Variants in CPNE4 observed in about 807,000 individuals in gnomAD.
CPNE4 encodes copine 4.
In CPNE4, 25 loss-of-function variants were observed where a neutral mutation model predicts 67.9. The ratio of observed to expected loss-of-function variants is 0.37; its 90% CI spans 0.27 to 0.51. The LOEUF is 0.51. Ranked by LOEUF, CPNE4 falls within the 20% of genes least tolerant of loss-of-function variation. The pLI is 0.93. For missense variants in CPNE4, 464 were observed against 690.8 expected (o/e 0.67, Z 3.68); for synonymous variants, 242 against 244.9 (o/e 0.99, Z 0.11).
intron 2 of CPNE4, among the ~76,000 whole-genome samples, chr3:131,726,512 A>G (rs558435283): frequency 2.0e-5 from 3 of 152,330 alleles, no homozygotes; most frequent in African/African-American, 4.8e-5. Flanking sequence ...GCAATAATAA[A>G]TGCATATTTG....
intron 2 of CPNE4, among the ~76,000 whole-genome samples, chr3:131,867,947 T>C (rs956932077): frequency 6.6e-6 from 1 of 152,168 alleles, no homozygotes; most frequent in African/African-American, 2.4e-5. Context: ...CTTTACCTAA[T>C]AATTGCTGTT....
intron 1 of CPNE4, among the ~76,000 whole-genome samples, chr3:131,978,720 T>C (rs1421699670): frequency 1.3e-5 from 2 of 149,728 alleles, no homozygotes; most frequent in Non-Finnish European, 3.0e-5. Flanking sequence ...GGTTATTTTC[T>C]TTCTTCTGCT....
chr3:131,649,492 T>A (rs2079753495), intron 7 of CPNE4, among the ~76,000 whole-genome samples: 1 of 152,206 alleles, frequency 6.6e-6, no homozygotes, highest in Non-Finnish European at 1.5e-5. Flanking sequence ...TAGGGCCAGT[T>A]GGATGCAACA....
At chr3:131,820,433 C>T (rs753028517) in intron 2 of CPNE4, among the ~76,000 whole-genome samples, 4 of 152,184 alleles carry the variant, frequency 2.6e-5, no homozygotes, top group Non-Finnish European at 5.9e-5. Flanking sequence ...AGGACATGAT[C>T]GTTGGTGAGG....
chr3:131,593,576 G>A lies in CPNE4; in HGVS notation c.682-5994C>T, dbSNP rs994707921. 1.6e-4 allele frequency among the ~76,000 whole-genome samples: 25 copies of A among 152,198 alleles called. No individual in the cohort carries two copies. The East Asian group carries it at 3.1e-3, about 19-fold the overall frequency. On this transcript the variant is annotated intron_variant, in intron 7 of 15. Transcript: ENST00000429747. ...TCTAATAGTTTATTTTCGTGAAGCC[G>A]TTAGGGTTTTGTACATATAGGATTA...
At chr3:131,865,030 C>T (rs1350730123) in intron 2 of CPNE4, among the ~76,000 whole-genome samples, 1 of 152,128 alleles carries the variant, frequency 6.6e-6, no homozygotes, top group African/African-American at 2.4e-5. Flanking sequence ...TATGTTGAAC[C>T]AGCCTTGCAT....
intron 7 of CPNE4, among the ~76,000 whole-genome samples, chr3:131,669,256 G>C (rs62283184): frequency 0.21 from 31,995 of 152,086 alleles, 4,059 homozygotes; most frequent in South Asian, 0.29. Flanking sequence ...GAATCACCTA[G>C]ATTAGTTCAT....
intron 2 of CPNE4, among the ~76,000 whole-genome samples, chr3:131,884,609 T>C (rs1355276924): frequency 6.6e-6 from 1 of 152,110 alleles, no homozygotes; most frequent in East Asian, 1.9e-4. Flanking sequence ...TGGCTCTGTG[T>C]CCCCACCCAA....
intron 1 of CPNE4, among the ~76,000 whole-genome samples, chr3:131,966,916 C>T (rs2072367405): frequency 6.6e-6 from 1 of 152,010 alleles, no homozygotes; most frequent in African/African-American, 2.4e-5. Flanking sequence ...CTGGCAGAGA[C>T]ACAACAAAGA....
chr3:131,579,848 C>A (rs1370536614), intron 9 of CPNE4, among the ~76,000 whole-genome samples: 1 of 152,184 alleles, frequency 6.6e-6, no homozygotes, highest in Non-Finnish European at 1.5e-5. Context: ...GAATCTGCTC[C>A]TGGTGAAGAT....
intron 7 of CPNE4, among the ~76,000 whole-genome samples, chr3:131,604,098 TTTCTG>T (rs1403073864): frequency 6.6e-6 from 1 of 152,168 alleles, no homozygotes; most frequent in African/African-American, 2.4e-5. Flanking sequence ...CACTTCCAGA[TTTCTG>T]TTCTATGTCA....
chr3:131,658,696 A>G (rs1169571096), intron 7 of CPNE4, among the ~76,000 whole-genome samples: 1 of 152,168 alleles, frequency 6.6e-6, no homozygotes. Context: ...CCTGAGAAGG[A>G]GGGCCTATGG....
chr3:131,858,680 G>A (rs1285106149), intron 2 of CPNE4, among the ~76,000 whole-genome samples: 1 of 152,062 alleles, frequency 6.6e-6, no homozygotes, highest in Non-Finnish European at 1.5e-5. Flanking sequence ...CAAGGTTATG[G>A]CAACTTAAAT....
intron 1 of CPNE4, among the ~76,000 whole-genome samples, chr3:132,012,282 C>A (rs1249324028): frequency 6.6e-6 from 1 of 151,390 alleles, no homozygotes; most frequent in Non-Finnish European, 1.5e-5. Flanking sequence ...GATTCTCCTG[C>A]CTCAAACTCC....
intron 2 of CPNE4, among the ~76,000 whole-genome samples, chr3:131,739,871 G>C (rs138616488): frequency 2.6e-5 from 4 of 152,220 alleles, no homozygotes; most frequent in African/African-American, 4.8e-5. Flanking sequence ...TCTGTTCCAG[G>C]TTTTTATTTG....
At chr3:131,826,141 C>A (rs143295040) in intron 2 of CPNE4, among the ~76,000 whole-genome samples, 1 of 152,214 alleles carries the variant, frequency 6.6e-6, no homozygotes, top group Non-Finnish European at 1.5e-5. Context: ...AATGTAGACA[C>A]ATAGATGTAC....
chr3:131,580,644 G>C (rs1001888567), intron 9 of CPNE4, among the ~76,000 whole-genome samples: 4 of 152,036 alleles, frequency 2.6e-5, no homozygotes, highest in Non-Finnish European at 5.9e-5. Context: ...ATTGAAAGTA[G>C]ACATCTCAGG....
At position 131,669,692 on chromosome 3, in the gene CPNE4, G is replaced by A; in HGVS notation, c.664C>T (p.Pro222Ser). The A allele has an allele frequency of 6.2e-7, 1 of 1,612,958 alleles. No individual in the cohort carries two copies. Among genetic ancestry groups the A allele is most frequent in the Non-Finnish European group, 8.5e-7 (1 of 1,179,368 alleles). Reference sequence around the variant, plus strand: ...TTTCTGACCTTTAGCCGGCGGTCTGGGTCTCCGCTGCATAGAGAATTTACA... The same window carrying A: ...TTTCTGACCTTTAGCCGGCGGTCTGAGTCTCCGCTGCATAGAGAATTTACA... ...VSVNSLCSGD[P>S]DRRLKCIVWD... The change falls in exon 7 of 16, where the codon CCA (proline) becomes TCA (serine). Residue 222 changes from proline (P) to serine (S), a missense_variant. By Grantham distance (74) the Pro-to-Ser change is moderately conservative. Transcript: ENST00000429747.
rs367772540 is a variant in CPNE4, at chr3:131,934,414, AT to A, written c.-1-28971del. On this transcript the variant is annotated intron_variant, in intron 1 of 15. Transcript: ENST00000429747. ...AAAAGGTGCAAGATCAAGGGAAAGT[AT>A]TTTATTTTTTAATCATACTTTAAGT... 3.9e-3 allele frequency among the ~76,000 whole-genome samples: 594 copies of A among 152,262 alleles called. 6 individuals are homozygous for A. Among genetic ancestry groups the A allele is most frequent in the African/African-American group, 0.013 (556 of 41,546 alleles).
Sources: gnomAD v4.1 joint callset for allele counts (sites outside exome capture counted in the v4.1 genomes callset) on GRCh38, gnomAD v4.1.1 for gene constraint, MANE v1.5 for transcripts, NCBI Gene and HGNC (gene_info 2026-07-23, HGNC 2026-07-21) for gene names.